Variants in TRAPPC9 observed in about 807,000 individuals in gnomAD.
The protein encoded by TRAPPC9 is IKK2 binding protein.
TRAPPC9 carries 83 observed loss-of-function variants against 124.0 expected under a neutral mutation model. The observed-to-expected ratio is 0.67, with a 90% CI of 0.56 to 0.80. The LOEUF is 0.80. Ranked by LOEUF, TRAPPC9 falls within the 30% of genes least tolerant of loss-of-function variation. The pLI is 0.00. For missense variants in TRAPPC9, 1,302 were observed against 1,508.3 expected (o/e 0.86, Z 2.27); for synonymous variants, 638 against 617.5 (o/e 1.03, Z -0.49).
chr8:140,429,479 C>T (rs2070554640), intron 4 of TRAPPC9, among the ~76,000 whole-genome samples: 1 of 152,196 alleles, frequency 6.6e-6, no homozygotes, highest in Admixed American at 6.5e-5. Flanking sequence ...GTTTCCACAT[C>T]TGTAAAACTG....
At chr8:139,968,616 G>A (rs1015373714) in intron 19 of TRAPPC9, among the ~76,000 whole-genome samples, 3 of 152,188 alleles carry the variant, frequency 2.0e-5, no homozygotes, top group African/African-American at 4.8e-5. Context: ...GCCTCTTCCC[G>A]TTCTCCTCTT....
chr8:140,219,967 C>G (rs1380988123), intron 17 of TRAPPC9, among the ~76,000 whole-genome samples: 1 of 152,228 alleles, frequency 6.6e-6, no homozygotes, highest in Non-Finnish European at 1.5e-5. Flanking sequence ...TGAAGCATTT[C>G]AGCACAACCT....
intron 17 of TRAPPC9, among the ~76,000 whole-genome samples, chr8:140,091,769 T>C (rs1439917176): frequency 6.6e-6 from 1 of 151,970 alleles, no homozygotes; most frequent in African/African-American, 2.4e-5. Context: ...TGCGATGAAG[T>C]TACAAAAATA....
intron 17 of TRAPPC9, among the ~76,000 whole-genome samples, chr8:140,176,711 AT>A (rs966068802): frequency 6.6e-6 from 1 of 152,216 alleles, no homozygotes; most frequent in Admixed American, 6.5e-5. Flanking sequence ...ACATAAGTAT[AT>A]GTTTAACAAT....
chr8:139,935,372 C>A (rs940292479), intron 19 of TRAPPC9, among the ~76,000 whole-genome samples: 1 of 152,200 alleles, frequency 6.6e-6, no homozygotes, highest in African/African-American at 2.4e-5. Flanking sequence ...TATTTCCTCA[C>A]CTCTCTGGGT....
chr8:139,768,375 G>A (rs1820720016), intron 21 of TRAPPC9, among the ~76,000 whole-genome samples: 1 of 152,236 alleles, frequency 6.6e-6, no homozygotes, highest in Non-Finnish European at 1.5e-5. Context: ...GGCAGTCAGG[G>A]AACTGGGGGC....
At chr8:139,754,315 C>A (rs1001642164) in intron 21 of TRAPPC9, among the ~76,000 whole-genome samples, 1 of 152,228 alleles carries the variant, frequency 6.6e-6, no homozygotes, top group Non-Finnish European at 1.5e-5. Context: ...CAGACATCAC[C>A]AAGAACTAGT....
At chr8:139,975,653 A>G (rs1472984546) in intron 19 of TRAPPC9, among the ~76,000 whole-genome samples, 1 of 152,154 alleles carries the variant, frequency 6.6e-6, no homozygotes, top group Non-Finnish European at 1.5e-5. Flanking sequence ...TGGCCCAGCC[A>G]AGTTGACCCC....
chr8:139,963,870 G>T (rs1042767622), intron 19 of TRAPPC9, among the ~76,000 whole-genome samples: 15 of 151,738 alleles, frequency 9.9e-5, no homozygotes, highest in African/African-American at 3.2e-4. Context: ...ACTGATGATA[G>T]GGCATGATTA....
rs537941771 is a variant in TRAPPC9 at position 139,778,526 on chromosome 8, A to G, written c.3056-46324T>C. On this transcript the variant is annotated intron_variant, in intron 21 of 22. Transcript: ENST00000438773. ...TGTTAGAATTAGCAGTGAGGACATT[A>G]AAACAGTTATCATAACTGTATTCTA... 9.2e-5 allele frequency among the ~76,000 whole-genome samples: 14 copies of G among 152,368 alleles called. No homozygotes were observed. In the South Asian group the frequency reaches 2.9e-3, roughly 32 times the overall value.
chr8:139,873,706 G>A (rs1349638499), intron 21 of TRAPPC9, among the ~76,000 whole-genome samples: 1 of 152,240 alleles, frequency 6.6e-6, no homozygotes, highest in African/African-American at 2.4e-5. Context: ...ACTTCAGGTG[G>A]AAGCAGCCAG....
chr8:139,861,031 A>G (rs981844587), intron 21 of TRAPPC9, among the ~76,000 whole-genome samples: 5 of 152,224 alleles, frequency 3.3e-5, no homozygotes, highest in African/African-American at 1.2e-4. Flanking sequence ...CAGCCCTTCT[A>G]TATTTTCTGT....
chr8:140,417,580 T>A (rs1293347403), intron 5 of TRAPPC9, among the ~76,000 whole-genome samples: 1 of 152,150 alleles, frequency 6.6e-6, no homozygotes, highest in African/African-American at 2.4e-5. Flanking sequence ...GGAGAGGATG[T>A]GGAGAAATAG....
chr8:140,125,160 G>T (rs1314478364), intron 17 of TRAPPC9, among the ~76,000 whole-genome samples: 1 of 152,230 alleles, frequency 6.6e-6, no homozygotes, highest in Non-Finnish European at 1.5e-5. Flanking sequence ...TGCAGCAGCC[G>T]AGGTCAGCAG....
At chr8:140,023,890 T>C in intron 18 of TRAPPC9, 47 bp downstream of exon 18, 1 of 1,613,374 alleles carries the variant, frequency 6.2e-7, no homozygotes, top group Non-Finnish European at 8.5e-7. Context: ...AACGTAGTGC[T>C]GTTGAGACTC....
chr8:140,012,691 C>T (rs1563688483), intron 18 of TRAPPC9, among the ~76,000 whole-genome samples: 2 of 152,290 alleles, frequency 1.3e-5, no homozygotes, highest in Non-Finnish European at 1.5e-5. Context: ...GATGCAGCCA[C>T]GAACAACACC....
At chr8:140,269,634 A>G (rs2064814856) in intron 15 of TRAPPC9, among the ~76,000 whole-genome samples, 1 of 152,198 alleles carries the variant, frequency 6.6e-6, no homozygotes. Flanking sequence ...GATATGTAAT[A>G]AGGCAAATAT....
intron 10 of TRAPPC9, among the ~76,000 whole-genome samples, chr8:140,306,807 C>T (rs2066150668): frequency 6.6e-6 from 1 of 152,220 alleles, no homozygotes; most frequent in African/African-American, 2.4e-5. Context: ...GGTATGCTTT[C>T]TGACTTGGGA....
At chr8:140,125,515 AAGGTGTGC>A (rs2061075743) in intron 17 of TRAPPC9, among the ~76,000 whole-genome samples, 1 of 150,138 alleles carries the variant, frequency 6.7e-6, no homozygotes, top group African/African-American at 2.5e-5. Flanking sequence ...CAGCAAGGGG[AAGGTGTGC>A]AGGGGACCTG....
Sources: allele counts gnomAD v4.1 joint callset (sites outside exome capture counted in the v4.1 genomes callset), GRCh38; gene constraint gnomAD v4.1.1; transcripts MANE v1.5; gene names NCBI Gene and HGNC (gene_info 2026-07-23, HGNC 2026-07-21).